The following REEP1 variants were observed in gnomAD, a reference collection of about 807,000 sequenced individuals.
REEP1 encodes receptor expression-enhancing protein 1.
A neutral mutation model predicts 40.3 loss-of-function variants in REEP1; 22 were observed. The observed-to-expected ratio is 0.55, with a 90% confidence interval of 0.39 to 0.78. The LOEUF (loss-of-function observed/expected upper bound fraction) is 0.78, where lower values mean the gene tolerates loss of function less well. REEP1 is among the 30% of genes least tolerant of loss of function. The pLI is 0.00. For missense variants in REEP1, 280 were observed against 361.1 expected, an observed-to-expected ratio of 0.78 and a Z score of 1.82; for synonymous variants, 116 against 139.2, an observed-to-expected ratio of 0.83 and a Z score of 1.17.
intron 1 of REEP1, among the ~76,000 whole-genome samples, chr2:86,304,262 C>T (rs758051202): frequency 1.3e-5 from 2 of 152,124 alleles, no homozygotes; most frequent in African/African-American, 2.4e-5. Context: ...ACCAAGCCCT[C>T]GATTTCACAG....
chr2:86,248,747 G>A (rs1019769880), intron 5 of REEP1, among the ~76,000 whole-genome samples: 24 of 152,262 alleles, frequency 1.6e-4, no homozygotes, highest in African/African-American at 5.5e-4. Flanking sequence ...ACCATGACTG[G>A]CCAAACAGGC....
At chr2:86,284,623 A>G (rs941122907) in intron 1 of REEP1, among the ~76,000 whole-genome samples, 2 of 152,218 alleles carry the variant, frequency 1.3e-5, no homozygotes, top group African/African-American at 4.8e-5. Flanking sequence ...CACAGGTGCC[A>G]TGGTTATTAC....
At chr2:86,238,989 C>T (rs1225689133) in intron 5 of REEP1, among the ~76,000 whole-genome samples, 1 of 152,030 alleles carries the variant, frequency 6.6e-6, no homozygotes, top group Non-Finnish European at 1.5e-5. Flanking sequence ...TCTTCGTAAA[C>T]AACCATGCCA....
At chr2:86,301,381 C>G (rs931402136) in intron 1 of REEP1, among the ~76,000 whole-genome samples, 1 of 152,202 alleles carries the variant, frequency 6.6e-6, no homozygotes, top group Admixed American at 6.5e-5. Context: ...ATGGGCTTTG[C>G]AGTCAGACAT....
intron 1 of REEP1, among the ~76,000 whole-genome samples, chr2:86,288,032 A>ATTATTTTTTTTTTTTTTTTTTT (rs1558916454): frequency 1.1e-4 from 17 of 149,844 alleles, no homozygotes; most frequent in African/African-American, 4.1e-4. Flanking sequence ...TATTTTTATT[A>ATTATTTTTTTTTTTTTTTTTTT]TTTTTTTGAG....
At chr2:86,317,048 G>A (rs1680047106) in intron 1 of REEP1, among the ~76,000 whole-genome samples, 1 of 152,150 alleles carries the variant, frequency 6.6e-6, no homozygotes, top group Admixed American at 6.5e-5. Flanking sequence ...CTCCTGACAG[G>A]AGGCGGTCGA....
At chr2:86,225,724 C>T (rs994928350) in intron 7 of REEP1, among the ~76,000 whole-genome samples, 3 of 152,348 alleles carry the variant, frequency 2.0e-5, no homozygotes, top group Non-Finnish European at 4.4e-5. Context: ...TCCGCGGCAC[C>T]AGGGCTGGAG....
At chr2:86,276,442 C>T (rs1233929229) in intron 2 of REEP1, among the ~76,000 whole-genome samples, 1 of 152,224 alleles carries the variant, frequency 6.6e-6, no homozygotes, top group East Asian at 1.9e-4. Flanking sequence ...GCATCCCACA[C>T]AATACTGCTT....
intron 5 of REEP1, among the ~76,000 whole-genome samples, chr2:86,242,265 T>A (rs1345849832): frequency 6.6e-6 from 1 of 152,208 alleles, no homozygotes; most frequent in African/African-American, 2.4e-5. Flanking sequence ...GCTGGGACTT[T>A]TAAACCTGGT....
intron 1 of REEP1, among the ~76,000 whole-genome samples, chr2:86,289,195 T>C (rs1428744961): frequency 6.6e-6 from 1 of 152,216 alleles, no homozygotes. Context: ...TTTTCAATAC[T>C]AGATTTTCAT....
At chr2:86,256,812 T>C (rs1676587195) in intron 3 of REEP1, among the ~76,000 whole-genome samples, 1 of 152,300 alleles carries the variant, frequency 6.6e-6, no homozygotes, top group South Asian at 2.1e-4. Context: ...TAAAACCTGA[T>C]GCTATGAGAT....
At chr2:86,280,034 T>C (rs1429599734) in intron 2 of REEP1, 1 of 456,170 alleles carries the variant, frequency 2.2e-6, no homozygotes, top group East Asian at 6.9e-5. Context: ...GTTTGGAAGA[T>C]TATTCAGGCG....
chr2:86,264,267 T>C (rs1392195583), intron 2 of REEP1, among the ~76,000 whole-genome samples: 2 of 152,124 alleles, frequency 1.3e-5, no homozygotes, highest in East Asian at 3.9e-4. Context: ...CTGAAGGTCA[T>C]ATGGCCCTAA....
chr2:86,217,248 A>C (rs1674163093), intron 8 of REEP1, 138 bp from the exon 9 acceptor site: 1 of 735,774 alleles, frequency 1.4e-6, no homozygotes. Context: ...GGTCTCCCTG[A>C]ATCTCCGCAA....
chr2:86,261,838 C>CCGATTGTA (rs1676870321), intron 3 of REEP1, among the ~76,000 whole-genome samples: 1 of 152,366 alleles, frequency 6.6e-6, no homozygotes, highest in Non-Finnish European at 1.5e-5. Context: ...GGTATAAAAC[C>CCGATTGTA]CGATTGTACG....
At chr2:86,338,051 T>C (rs1381015645), upstream of REEP1, 14 of 1,537,158 alleles carry the variant, frequency 9.1e-6, no homozygotes, top group Non-Finnish European at 1.2e-5. Flanking sequence ...CTCTTCAGTC[T>C]GTCCGTTGCT....
At chr2:86,335,850 C>A (rs1456103063) in intron 1 of REEP1, among the ~76,000 whole-genome samples, 25 of 80,582 alleles carry the variant, frequency 3.1e-4, no homozygotes, top group South Asian at 1.3e-3. Context: ...GACTCGGTCT[C>A]AAAAAAAAAA....
At chr2:86,263,403 T>C (rs1210290475) in intron 3 of REEP1, among the ~76,000 whole-genome samples, 1 of 151,508 alleles carries the variant, frequency 6.6e-6, no homozygotes, top group African/African-American at 2.4e-5. Flanking sequence ...CTAATTATTT[T>C]TTTGTATTTT....
rs185608934 is a variant in REEP1, at chr2:86,250,673, C to G, written c.417+1284G>C. The stretch of plus-strand genomic sequence containing the variant: ...AGTGGCGGGATACCTAGCTACAATT[C>G]TGTGTTATAGATGGAGCTGGTCTTG... On this transcript the variant is annotated intron_variant, in intron 5 of 8. Coordinates refer to ENST00000538924, the MANE Select transcript of REEP1 (RefSeq NM_001371279.1). Among the ~76,000 whole-genome samples, 8 of 152,082 alleles carry G rather than the reference C, an allele frequency of 5.3e-5. 1 individual carries two copies. The highest frequency in any genetic ancestry group is 3.9e-4 in the Admixed American group (6 of 15,280).
Sources: allele counts gnomAD v4.1 joint callset (sites outside exome capture counted in the v4.1 genomes callset), GRCh38; gene constraint gnomAD v4.1.1; transcripts MANE v1.5; gene names NCBI Gene and HGNC (gene_info 2026-07-23, HGNC 2026-07-21).